The following SMYD3 variants were observed in gnomAD, a reference collection of about 807,000 sequenced individuals.
SMYD3 encodes histone-lysine N-methyltransferase SMYD3.
A neutral mutation model predicts 57.7 loss-of-function variants in SMYD3; 36 were observed. That is an observed-to-expected ratio of 0.62 (90% confidence interval 0.48 to 0.82). The LOEUF is 0.82. SMYD3 is among the 40% of genes least tolerant of loss of function. The pLI is 0.00. For synonymous variants in SMYD3, 211 were observed against 195.0 expected (o/e 1.08, Z -0.68); for missense variants, 515 against 538.8 (o/e 0.96, Z 0.44).
intron 5 of SMYD3, among the ~76,000 whole-genome samples, chr1:246,250,053 CT>C (rs1292583523): frequency 6.6e-6 from 1 of 152,182 alleles, no homozygotes; most frequent in Non-Finnish European, 1.5e-5. Context: ...TTCCCTCCCC[CT>C]CTCTTGATAT....
intron 5 of SMYD3, among the ~76,000 whole-genome samples, chr1:246,183,136 G>A (rs2062580415): frequency 6.6e-6 from 1 of 152,124 alleles, no homozygotes; most frequent in Non-Finnish European, 1.5e-5. Context: ...AGGACAGGTA[G>A]CTAAAGTGTT....
chr1:245,817,257 T>G (rs1221752965), intron 10 of SMYD3, among the ~76,000 whole-genome samples: 3 of 144,168 alleles, frequency 2.1e-5, no homozygotes, highest in Non-Finnish European at 3.0e-5. Flanking sequence ...CCGAGCAGCC[T>G]AACTGGGAGG....
intron 5 of SMYD3, among the ~76,000 whole-genome samples, chr1:246,270,891 C>T (rs1456934091): frequency 6.6e-6 from 1 of 152,164 alleles, no homozygotes; most frequent in African/African-American, 2.4e-5. Flanking sequence ...GAGTTGCCGC[C>T]ATACTGTTTG....
chr1:246,431,174 C>T (rs2067291828), intron 1 of SMYD3, among the ~76,000 whole-genome samples: 1 of 151,866 alleles, frequency 6.6e-6, no homozygotes, highest in Non-Finnish European at 1.5e-5. Flanking sequence ...ATAGTATCTA[C>T]AAAGAATAGG....
At chr1:246,461,279 G>GA (rs915450417) in intron 1 of SMYD3, among the ~76,000 whole-genome samples, 24 of 151,970 alleles carry the variant, frequency 1.6e-4, no homozygotes, top group African/African-American at 5.3e-4. Context: ...AAATTAGTGG[G>GA]AAAAAAAGTG....
At chr1:246,485,418 C>T (rs2068171037) in intron 1 of SMYD3, among the ~76,000 whole-genome samples, 1 of 152,180 alleles carries the variant, frequency 6.6e-6, no homozygotes, top group South Asian at 2.1e-4. Context: ...TATGAACTCA[C>T]AGCATCACAG....
In SMYD3 at chr1:245,929,947, C is replaced by T. The variant is rs750434479; in HGVS notation, c.532-10G>A. ...AAGAGTTGCAGATCACCTGTAAACA[C>T]AAGGGGAACCATCAGTATTACTAGA... On this transcript the variant is annotated splice_polypyrimidine_tract_variant and intron_variant, in intron 5 of 11. Coordinates refer to ENST00000490107, the MANE Select transcript of SMYD3 (RefSeq NM_001167740.2). 3 of 1,611,338 alleles carry T rather than the reference C, an allele frequency of 1.9e-6. No individual in the cohort carries two copies. The highest frequency in any genetic ancestry group is 2.5e-6 in the Non-Finnish European group (3 of 1,177,816).
chr1:245,857,314 C>T (rs1335755398), intron 10 of SMYD3, among the ~76,000 whole-genome samples: 3 of 152,226 alleles, frequency 2.0e-5, no homozygotes, highest in African/African-American at 4.8e-5. Flanking sequence ...TCCTGGCTCA[C>T]GCCTGGCTTC....
chr1:246,181,027 T>C (rs2062543155), intron 5 of SMYD3, among the ~76,000 whole-genome samples: 1 of 152,126 alleles, frequency 6.6e-6, no homozygotes, highest in Non-Finnish European at 1.5e-5. Context: ...AAAGTGATCA[T>C]TTAACTATGA....
chr1:246,483,017 G>C (rs2068131301), intron 1 of SMYD3, among the ~76,000 whole-genome samples: 1 of 152,198 alleles, frequency 6.6e-6, no homozygotes, highest in East Asian at 1.9e-4. Context: ...TACAGCACCA[G>C]GTTGAGCTCA....
At chr1:246,003,902 G>A (rs1019832705) in intron 5 of SMYD3, among the ~76,000 whole-genome samples, 7 of 152,170 alleles carry the variant, frequency 4.6e-5, no homozygotes, top group Non-Finnish European at 1.0e-4. Flanking sequence ...TTATCCTAGA[G>A]ATACTGGGAC....
In SMYD3 at chr1:245,998,917, T is replaced by C. The variant is rs141900397; in HGVS notation, c.532-68980A>G. 8.1e-4 allele frequency among the ~76,000 whole-genome samples: 123 copies of C among 152,292 alleles called. 2 individuals are homozygous for C. The East Asian group carries it at 0.021, about 27-fold the overall frequency. ...ACACAAAAGGACAAATACTGTGTGA[T>C]TCCACTTACGAGAGGTTCTGAGAGT... is the stretch of plus-strand genomic sequence containing the variant. On this transcript the variant is annotated intron_variant, in intron 5 of 11. Transcript: ENST00000490107.
At chr1:246,465,864 T>G (rs2067874379) in intron 1 of SMYD3, among the ~76,000 whole-genome samples, 1 of 152,170 alleles carries the variant, frequency 6.6e-6, no homozygotes, top group Non-Finnish European at 1.5e-5. Flanking sequence ...CCTTGCCTCC[T>G]GGGTTCAAGC....
In SMYD3 at chr1:246,345,672, A is replaced by G. The variant is rs1032986419; in HGVS notation, c.228+9359T>C. Among the ~76,000 whole-genome samples, 6 of 152,300 alleles carry G rather than the reference A, an allele frequency of 3.9e-5. No homozygotes were observed. In the East Asian group the frequency reaches 1.2e-3, roughly 29 times the overall value. On this transcript the variant is annotated intron_variant, in intron 2 of 11. Transcript: ENST00000490107. ...TGTTGACATTTTAAAAACCTTTCTG[A>G]CTAAGGAGAAGACTGCTCCTGCTCC...
At chr1:246,082,474 C>T (rs2788019) in intron 5 of SMYD3, among the ~76,000 whole-genome samples, 29,415 of 152,008 alleles carry the variant, frequency 0.19, 3,286 homozygotes, top group East Asian at 0.4. Context: ...ATAGCAGGAC[C>T]GTTTCCTACC....
chr1:246,234,947 A>C (rs2063489731), intron 5 of SMYD3, among the ~76,000 whole-genome samples: 1 of 151,884 alleles, frequency 6.6e-6, no homozygotes, highest in Admixed American at 6.6e-5. Context: ...GCTTCAGTTC[A>C]AAAAGAGAAA....
intron 5 of SMYD3, among the ~76,000 whole-genome samples, chr1:246,130,236 T>C (rs2061567822): frequency 6.6e-6 from 1 of 152,232 alleles, no homozygotes; most frequent in South Asian, 2.1e-4. Flanking sequence ...ACGTTTAATA[T>C]GTAGACAAAA....
chr1:246,393,613 A>G (rs926642981), intron 1 of SMYD3, among the ~76,000 whole-genome samples: 2 of 144,554 alleles, frequency 1.4e-5, no homozygotes, highest in Non-Finnish European at 3.0e-5. Context: ...CCAAAGTAGG[A>G]GGACTGTTTG....
intron 1 of SMYD3, among the ~76,000 whole-genome samples, chr1:246,506,507 C>G (rs763230717): frequency 3.3e-5 from 5 of 152,144 alleles, no homozygotes; most frequent in Non-Finnish European, 1.5e-5. Flanking sequence ...GAGGAGGTCC[C>G]GTTCCTCTTC....
Sources: gnomAD v4.1 joint callset for allele counts (sites outside exome capture counted in the v4.1 genomes callset) on GRCh38, gnomAD v4.1.1 for gene constraint, MANE v1.5 for transcripts, NCBI Gene and HGNC (gene_info 2026-07-23, HGNC 2026-07-21) for gene names.